The following KIAA1217 variants were observed in gnomAD, a reference collection of about 807,000 sequenced individuals.
The protein encoded by KIAA1217 is sickle tail protein homolog.
A neutral mutation model predicts 163.9 loss-of-function variants in KIAA1217; 88 were observed. The observed-to-expected ratio is 0.54, with a 90% CI of 0.45 to 0.64. KIAA1217 has a LOEUF of 0.64. Among genes scored for constraint, KIAA1217 ranks in the 30% least tolerant of loss-of-function variants. The pLI, the probability that KIAA1217 is intolerant of heterozygous loss-of-function variation, is 0.00. For missense variants in KIAA1217, 2,372 were observed against 2,475.0 expected, an observed-to-expected ratio of 0.96 and a Z score of 0.88; for synonymous variants, 903 against 923.1, an observed-to-expected ratio of 0.98 and a Z score of 0.39.
chr10:24,501,280 G>C, intron 8 of KIAA1217, 99 bp from the exon 9 acceptor site: 2 of 1,050,230 alleles, frequency 1.9e-6, no homozygotes, highest in Non-Finnish European at 2.8e-6. Context: ...GAGAGAATTA[G>C]GCCTTTTTAG....
intron 1 of KIAA1217, among the ~76,000 whole-genome samples, chr10:24,210,784 C>T (rs925099510): frequency 6.6e-6 from 1 of 152,072 alleles, no homozygotes; most frequent in Non-Finnish European, 1.5e-5. Flanking sequence ...ATTTAACTTC[C>T]AGTGTAAGGA....
chr10:23,988,258 C>T (rs916524800), intron 1 of KIAA1217, among the ~76,000 whole-genome samples: 9 of 152,194 alleles, frequency 5.9e-5, no homozygotes, highest in Non-Finnish European at 1.0e-4. Context: ...CAGATTGTTG[C>T]TCCGCGAGCA....
intron 2 of KIAA1217, among the ~76,000 whole-genome samples, chr10:24,122,443 T>C (rs1304840886): frequency 6.6e-6 from 1 of 152,168 alleles, no homozygotes; most frequent in Non-Finnish European, 1.5e-5. Context: ...CTGTGAATAG[T>C]GCTGTGACGA....
intron 2 of KIAA1217, among the ~76,000 whole-genome samples, chr10:24,018,510 TA>T (rs1400907282): frequency 6.6e-6 from 1 of 151,838 alleles, no homozygotes; most frequent in Non-Finnish European, 1.5e-5. Flanking sequence ...TATACATATG[TA>T]ACAAACCTGC....
At chr10:24,421,491 C>T (rs1435470887) in intron 3 of KIAA1217, among the ~76,000 whole-genome samples, 1 of 152,056 alleles carries the variant, frequency 6.6e-6, no homozygotes, top group Non-Finnish European at 1.5e-5. Context: ...TCTTTTTAAT[C>T]CATATTGCCT....
At chr10:24,136,239 G>A (rs765696087) in intron 2 of KIAA1217, among the ~76,000 whole-genome samples, 2 of 152,064 alleles carry the variant, frequency 1.3e-5, no homozygotes, top group Non-Finnish European at 2.9e-5. Context: ...TATAGTTTCC[G>A]GCATCTTCAA....
chr10:23,733,326 A>G (rs1838587184), intron 1 of KIAA1217, among the ~76,000 whole-genome samples: 1 of 152,128 alleles, frequency 6.6e-6, no homozygotes, highest in South Asian at 2.1e-4. Flanking sequence ...ATGTAAGAAT[A>G]TGTTTAAAAT....
At chr10:24,114,871 A>G (rs1220455122) in intron 2 of KIAA1217, among the ~76,000 whole-genome samples, 1 of 152,108 alleles carries the variant, frequency 6.6e-6, no homozygotes, top group Non-Finnish European at 1.5e-5. Flanking sequence ...CTTGCTAACT[A>G]CGCCACATCA....
chr10:24,305,842 T>C (rs1050890265), intron 2 of KIAA1217, among the ~76,000 whole-genome samples: 2 of 152,108 alleles, frequency 1.3e-5, no homozygotes, highest in Non-Finnish European at 1.5e-5. Context: ...GTTCTGGGGC[T>C]CAGCAGAGAC....
intron 2 of KIAA1217, among the ~76,000 whole-genome samples, chr10:24,107,280 A>G (rs567685098): frequency 3.9e-5 from 6 of 152,162 alleles, no homozygotes; most frequent in Non-Finnish European, 1.5e-5. Context: ...TATCCAGTTC[A>G]CTATTGATGG....
chr10:23,887,578 A>G (rs963769935), intron 1 of KIAA1217, among the ~76,000 whole-genome samples: 4 of 151,884 alleles, frequency 2.6e-5, no homozygotes, highest in African/African-American at 9.7e-5. Flanking sequence ...TATATTGTCT[A>G]TAATAAAGCT....
At chr10:23,810,856 A>T (rs1327115210) in intron 1 of KIAA1217, among the ~76,000 whole-genome samples, 2 of 123,246 alleles carry the variant, frequency 1.6e-5, no homozygotes, top group African/African-American at 6.4e-5. Flanking sequence ...TATATATTAT[A>T]TAGTATATAT....
chr10:24,496,851 G>A (rs971373707), intron 8 of KIAA1217, among the ~76,000 whole-genome samples: 1 of 152,194 alleles, frequency 6.6e-6, no homozygotes, highest in African/African-American at 2.4e-5. Flanking sequence ...GTGGGGAAAG[G>A]AGCCAGTGTC....
At chr10:24,241,228 T>C (rs1301968568) in intron 2 of KIAA1217, among the ~76,000 whole-genome samples, 1 of 152,026 alleles carries the variant, frequency 6.6e-6, no homozygotes, top group African/African-American at 2.4e-5. Context: ...TAATAAACTA[T>C]CCTATACTGC....
At chr10:23,927,432 C>T (rs549380444) in intron 1 of KIAA1217, among the ~76,000 whole-genome samples, 67 of 151,038 alleles carry the variant, frequency 4.4e-4, no homozygotes, top group African/African-American at 1.5e-3. Flanking sequence ...TAAAGTGTAA[C>T]GTGAAAATAT....
intron 2 of KIAA1217, among the ~76,000 whole-genome samples, chr10:24,187,901 A>T (rs1259977955): frequency 6.6e-6 from 1 of 151,634 alleles, no homozygotes; most frequent in Non-Finnish European, 1.5e-5. Context: ...AAAAAAAAAA[A>T]GATAAAAGGC....
intron 1 of KIAA1217, among the ~76,000 whole-genome samples, chr10:23,825,467 A>G (rs571923433): frequency 2.6e-5 from 4 of 152,338 alleles, no homozygotes; most frequent in Admixed American, 2.6e-4. Context: ...AATAATAGTG[A>G]TAAATAAAAG....
At chr10:24,006,688 A>G (rs1044370017) in intron 1 of KIAA1217, among the ~76,000 whole-genome samples, 2 of 152,176 alleles carry the variant, frequency 1.3e-5, no homozygotes, top group African/African-American at 2.4e-5. Context: ...ATGTTCACCA[A>G]TGTTCCAGGC....
At chr10:23,891,733 T>C (rs929084025) in intron 1 of KIAA1217, among the ~76,000 whole-genome samples, 2 of 151,994 alleles carry the variant, frequency 1.3e-5, no homozygotes. Flanking sequence ...ATTATGTTTT[T>C]AGTGTTCTGG....
Sources: allele counts gnomAD v4.1 joint callset (sites outside exome capture counted in the v4.1 genomes callset), GRCh38; gene constraint gnomAD v4.1.1; transcripts MANE v1.5; gene names NCBI Gene and HGNC (gene_info 2026-07-23, HGNC 2026-07-21).